Variants in FILIP1 observed in about 807,000 individuals in gnomAD.
The protein encoded by FILIP1 is filamin A interacting protein 1.
FILIP1 carries 61 observed loss-of-function variants against 102.1 expected under a neutral mutation model. The ratio of observed to expected loss-of-function variants is 0.60; its 90% CI spans 0.49 to 0.74. The LOEUF is 0.74. Among genes scored for constraint, FILIP1 ranks in the 30% least tolerant of loss-of-function variants. FILIP1 has a pLI of 0.00. For synonymous variants in FILIP1, 491 were observed against 526.9 expected, an observed-to-expected ratio of 0.93 and a Z score of 0.93; for missense variants, 1,314 against 1,441.2, an observed-to-expected ratio of 0.91 and a Z score of 1.43.
intron 1 of FILIP1, among the ~76,000 whole-genome samples, chr6:75,478,974 T>C (rs1167736056): frequency 6.6e-6 from 1 of 152,176 alleles, no homozygotes; most frequent in Admixed American, 6.5e-5. Context: ...TAGTCATAAA[T>C]GTGTCAATTT....
rs919711527 is a variant in FILIP1, at chr6:75,314,745, T to C, written c.1087A>G (p.Arg363Gly). ...QKAEEELQEL[R>G]DKIAKGECGN... ...CATTCTCCTTTGGCAATTTTATCTC[T>C]TAATTCTTGAAGTTCTTCCTCTGCC... is the stretch of plus-strand genomic sequence containing the variant. Residue 363 changes from arginine (R) to glycine (G), a missense_variant, in exon 5 of 6, where the codon AGA becomes GGA. This residue lies in a region of FILIP1 where 494 missense variants were observed against 511.2 expected (regional missense o/e 0.97). Transcript: ENST00000237172. The C allele has an allele frequency of 6.2e-7, 1 of 1,614,084 alleles. No individual in the cohort carries two copies. The highest frequency in any genetic ancestry group is 8.5e-7 in the Non-Finnish European group (1 of 1,180,022).
At chr6:75,442,634 A>G (rs984824791) in intron 1 of FILIP1, among the ~76,000 whole-genome samples, 3 of 152,254 alleles carry the variant, frequency 2.0e-5, no homozygotes, top group Non-Finnish European at 4.4e-5. Flanking sequence ...CGCGCCTGCA[A>G]TCGCAGGCAC....
chr6:75,454,533 G>A (rs1778756570), intron 1 of FILIP1, among the ~76,000 whole-genome samples: 1 of 152,150 alleles, frequency 6.6e-6, no homozygotes, highest in Non-Finnish European at 1.5e-5. Flanking sequence ...AGATTAAGGT[G>A]TGGACATCTT....
intron 1 of FILIP1, among the ~76,000 whole-genome samples, chr6:75,470,305 T>A (rs969814493): frequency 1.3e-5 from 2 of 152,134 alleles, no homozygotes; most frequent in African/African-American, 2.4e-5. Context: ...AATTAATGAA[T>A]TAATGCAACA....
chr6:75,485,444 A>C (rs1201378293), intron 1 of FILIP1, among the ~76,000 whole-genome samples: 1 of 152,204 alleles, frequency 6.6e-6, no homozygotes, highest in Non-Finnish European at 1.5e-5. Context: ...TTTCTCAGAA[A>C]GTAGAGATTT....
chr6:75,431,136 G>C (rs868205172), intron 1 of FILIP1, among the ~76,000 whole-genome samples: 1 of 152,250 alleles, frequency 6.6e-6, no homozygotes, highest in South Asian at 2.1e-4. Flanking sequence ...GAGCCTTGGC[G>C]GTAGCCATGG....
Position 75,313,551 on chromosome 6 carries a change from T to A in FILIP1, c.2281A>T (p.Lys761Ter). 1 of 1,614,216 alleles carries A rather than the reference T, an allele frequency of 6.2e-7. No individual in the cohort carries two copies. The highest frequency in any genetic ancestry group is 8.5e-7 in the Non-Finnish European group (1 of 1,180,048). ...ACCTCCTGCCCCATGTTTTTGTTCT[T>A]ATTTTCTTCTTCCATAAATCTTTGT... is the stretch of plus-strand genomic sequence containing the variant. ...LQQRFMEEEN[K>*]NKNMGQEVLN... Residue 761 changes from lysine (K) to a stop codon, truncating the protein, a stop_gained, in exon 5 of 6, where the codon AAG becomes TAG. Transcript: ENST00000237172. LOFTEE classifies it high-confidence loss of function. The surrounding 1 kb of genome is among the most constrained non-coding windows in gnomAD (Gnocchi z 4.2).
chr6:75,384,753 A>G (rs1776025311), intron 2 of FILIP1: 1 of 151,166 alleles, frequency 6.6e-6, no homozygotes, highest in Non-Finnish European at 1.5e-5. Context: ...CATTTGATTT[A>G]TAGAATCAGA....
Position 75,310,769 on chromosome 6 carries a change from G to A in FILIP1, c.3435+1628C>T, listed in dbSNP as rs62415694. On this transcript the variant is annotated intron_variant, in intron 5 of 5. Transcript: ENST00000237172. The stretch of plus-strand genomic sequence containing the variant: ...CCTACACAACCAAGCTATGCTCTAT[G>A]TTACCTAAAAAGCAGTATCGGACCA... Among the ~76,000 whole-genome samples the A allele has an allele frequency of 3.7e-3, 556 of 152,296 alleles. 2 individuals carry two copies. The highest frequency in any genetic ancestry group is 5.9e-3 in the Non-Finnish European group (399 of 68,016).
intron 2 of FILIP1, among the ~76,000 whole-genome samples, chr6:75,386,550 T>G (rs753099996): frequency 6.6e-6 from 1 of 152,128 alleles, no homozygotes; most frequent in Non-Finnish European, 1.5e-5. Flanking sequence ...TAGTAGCTGT[T>G]TTGGAGATAG....
At chr6:75,413,150 G>A (rs748012981) in intron 2 of FILIP1, among the ~76,000 whole-genome samples, 5 of 152,194 alleles carry the variant, frequency 3.3e-5, no homozygotes, top group Non-Finnish European at 5.9e-5. Context: ...ATAGCATTAC[G>A]CAGAAATTAG....
At chr6:75,291,933 T>C (rs1772558078) in exon 7 of FILIP1, 1 of 152,250 alleles carries the variant, frequency 6.6e-6, no homozygotes. Context: ...AATATTACAC[T>C]TGTTATTTTT....
intron 2 of FILIP1, among the ~76,000 whole-genome samples, chr6:75,395,698 T>C (rs756480116): frequency 1.3e-5 from 2 of 152,212 alleles, no homozygotes; most frequent in Non-Finnish European, 2.9e-5. Flanking sequence ...TGTCTTGTTT[T>C]ATAATTAAAA....
At chr6:75,380,189 T>C (rs1775867418) in intron 2 of FILIP1, among the ~76,000 whole-genome samples, 1 of 132,468 alleles carries the variant, frequency 7.5e-6, no homozygotes, top group African/African-American at 3.0e-5. Context: ...TAAAAAACAA[T>C]CATAGCCAAT....
intron 6 of FILIP1, chr6:75,296,035 G>A: frequency 1.0e-6 from 1 of 965,956 alleles, no homozygotes; most frequent in Non-Finnish European, 1.4e-6. Flanking sequence ...GATCATAGAT[G>A]TTAAATAACA....
At chr6:75,456,799 C>T (rs1778848491) in intron 1 of FILIP1, among the ~76,000 whole-genome samples, 1 of 152,106 alleles carries the variant, frequency 6.6e-6, no homozygotes, top group Non-Finnish European at 1.5e-5. Flanking sequence ...ACCTCGTGAT[C>T]CGCGCGGGTC....
Position 75,324,860 on chromosome 6 carries a change from G to A in FILIP1, c.630-9658C>T, listed in dbSNP as rs190965166. On this transcript the variant is annotated intron_variant, in intron 4 of 5. Transcript: ENST00000237172. ...GGAAAGTATACCCTGTTCAACAGAC[G>A]GTGCTGGGATAATTGGCAAGCCGCA... Among the ~76,000 whole-genome samples the A allele has an allele frequency of 1.5e-4, 23 of 152,248 alleles. No individual in the cohort carries two copies. The East Asian group carries it at 4.1e-3, about 27-fold the overall frequency.
intron 1 of FILIP1, among the ~76,000 whole-genome samples, chr6:75,460,931 T>G (rs1779003617): frequency 6.6e-6 from 1 of 152,226 alleles, no homozygotes; most frequent in Non-Finnish European, 1.5e-5. Flanking sequence ...CAAGCTGATT[T>G]GTAACAAAAC....
intron 6 of FILIP1, among the ~76,000 whole-genome samples, chr6:75,301,284 A>G (rs1772828721): frequency 2.0e-5 from 3 of 152,186 alleles, no homozygotes; most frequent in Admixed American, 1.3e-4. Context: ...TTTTGATCCA[A>G]TGAGTATGAG....
Sources: allele counts gnomAD v4.1 joint callset (sites outside exome capture counted in the v4.1 genomes callset), GRCh38; gene constraint gnomAD v4.1.1; regional missense constraint gnomAD v4.1.1; non-coding constraint Gnocchi (gnomAD v3.1); transcripts MANE v1.5; gene names NCBI Gene and HGNC (gene_info 2026-07-23, HGNC 2026-07-21).